The following CERS5 variants were observed in gnomAD, a reference collection of about 807,000 sequenced individuals.
CERS5 encodes the protein ceramide synthase 5.
Under a neutral mutation model 58.9 loss-of-function variants are expected in CERS5, and 37 were observed. The observed-to-expected ratio is 0.63, with a 90% CI of 0.48 to 0.83. CERS5 has a LOEUF of 0.83. CERS5 is among the 40% of genes least tolerant of loss of function. CERS5 has a pLI of 0.00. For synonymous variants in CERS5, 147 were observed against 177.8 expected (o/e 0.83, Z 1.38); for missense variants, 398 against 489.3 (o/e 0.81, Z 1.76).
intron 8 of CERS5, among the ~76,000 whole-genome samples, chr12:50,135,194 AAG>A (rs149757474): frequency 0.16 from 4,069 of 25,460 alleles, 1,188 homozygotes; most frequent in South Asian, 0.29. Flanking sequence ...GAGAGGGAGG[AAG>A]AGAGAGAGAG....
At chr12:50,162,184 C>CTTTTTTT (rs75460499) in intron 1 of CERS5, among the ~76,000 whole-genome samples, 1 of 129,368 alleles carries the variant, frequency 7.7e-6, no homozygotes, top group African/African-American at 2.9e-5. Context: ...CTGATTTGTT[C>CTTTTTTT]TTTTTTTTTT....
At chr12:50,164,385 C>T (rs911334176) in intron 1 of CERS5, among the ~76,000 whole-genome samples, 2 of 151,672 alleles carry the variant, frequency 1.3e-5, no homozygotes, top group Non-Finnish European at 1.5e-5. Flanking sequence ...GAGTGAGCTT[C>T]GTGCCACTGC....
chr12:50,158,641 C>G (rs989477438), intron 1 of CERS5, among the ~76,000 whole-genome samples: 19 of 152,054 alleles, frequency 1.2e-4, no homozygotes, highest in African/African-American at 4.6e-4. Context: ...TGGTGTTTAT[C>G]AAGTGTAGGA....
chr12:50,133,882 G>A (rs564223999), intron 9 of CERS5: 180 of 396,508 alleles, frequency 4.5e-4, no homozygotes, highest in South Asian at 3.0e-3. Flanking sequence ...GACCAGCCTG[G>A]CCAACATAGT....
At chr12:50,134,294 C>CCTT (rs10649792) in intron 9 of CERS5, 546,041 of 832,846 alleles carry the variant, frequency 0.66, 184,387 homozygotes, top group East Asian at 0.93. Context: ...TGGGAGAATC[C>CCTT]AAGCCCAGGT....
intron 4 of CERS5, among the ~76,000 whole-genome samples, chr12:50,139,381 G>T (rs1951846428): frequency 6.6e-6 from 1 of 152,118 alleles, no homozygotes; most frequent in African/African-American, 2.4e-5. Context: ...TTCCTGGGAG[G>T]CTGAGGTGGT....
At chr12:50,138,763 A>G (rs1184748916) in intron 4 of CERS5, 146 bp from the exon 5 acceptor site, 2 of 716,454 alleles carry the variant, frequency 2.8e-6, no homozygotes, top group Admixed American at 2.1e-5. Context: ...TAAAGGATCA[A>G]TAAATAGCTA....
intron 1 of CERS5, among the ~76,000 whole-genome samples, chr12:50,156,482 AGCT>A (rs200396057): frequency 0.022 from 3,197 of 142,944 alleles, 136 homozygotes; most frequent in African/African-American, 0.08. Context: ...CTCTGGTCCC[AGCT>A]ACTGGGAGGC....
At chr12:50,161,872 T>C (rs1283319227) in intron 1 of CERS5, among the ~76,000 whole-genome samples, 20 of 128,156 alleles carry the variant, frequency 1.6e-4, no homozygotes, top group Admixed American at 5.5e-4. Context: ...TCTTCTTCTT[T>C]TTTTTTTTTT....
At chr12:50,133,186 T>C in intron 9 of CERS5, 1 of 1,195,448 alleles carries the variant, frequency 8.4e-7, no homozygotes, top group South Asian at 1.5e-5. Context: ...CAGGAGATCA[T>C]CAATATCTAG....
chr12:50,136,159 C>T (rs1951687885), intron 6 of CERS5, 90 bp from the exon 7 acceptor site: 1 of 1,166,970 alleles, frequency 8.6e-7, no homozygotes, highest in East Asian at 2.7e-5. Context: ...CTCTAAGAAT[C>T]TTACCCCACC....
chr12:50,155,012 C>A (rs1043842363), intron 1 of CERS5, among the ~76,000 whole-genome samples: 3 of 152,096 alleles, frequency 2.0e-5, no homozygotes, highest in Non-Finnish European at 4.4e-5. Context: ...CGTGCACCAC[C>A]ATGCCTGGTT....
chr12:50,159,050 G>T (rs757481822), intron 1 of CERS5, among the ~76,000 whole-genome samples: 2 of 152,064 alleles, frequency 1.3e-5, no homozygotes, highest in Non-Finnish European at 2.9e-5. Context: ...GGCCGGGCGC[G>T]GTGGCTCACA....
intron 8 of CERS5, 38 bp downstream of exon 8, chr12:50,135,694 G>A (rs754805483): frequency 1.4e-6 from 2 of 1,386,994 alleles, no homozygotes; most frequent in Non-Finnish European, 2.1e-6. Flanking sequence ...GTATCATTAG[G>A]CTCATACCTA....
intron 9 of CERS5, 61 bp downstream of exon 9, chr12:50,134,485 C>G (rs780372428): frequency 3.7e-6 from 6 of 1,613,022 alleles, no homozygotes; most frequent in Admixed American, 1.7e-5. Flanking sequence ...GGAGAGAGAA[C>G]GTCTGTTGAG....
intron 1 of CERS5, among the ~76,000 whole-genome samples, chr12:50,159,476 A>G (rs752377352): frequency 1.3e-5 from 2 of 152,210 alleles, no homozygotes; most frequent in African/African-American, 2.4e-5. Context: ...TTGATCCTAA[A>G]AAGTGTATCA....
chr12:50,132,642 T>TTGATTATGGC (rs1565763073), intron 9 of CERS5, among the ~76,000 whole-genome samples: 1 of 152,132 alleles, frequency 6.6e-6, no homozygotes, highest in African/African-American at 2.4e-5. Context: ...TCTTCTACAG[T>TTGATTATGGC]TGATTATAGC....
At chr12:50,135,359 G>T in intron 8 of CERS5, 3 of 406,212 alleles carry the variant, frequency 7.4e-6, no homozygotes, top group South Asian at 3.8e-5. Flanking sequence ...GTCAGGGTTG[G>T]GACCAGAGCA....
In CERS5 at chr12:50,135,515, G is replaced by C. The variant is rs376095600; in HGVS notation, c.872+217C>G. The C allele has an allele frequency of 1.4e-4, 95 of 697,062 alleles. No individual in the cohort carries two copies. The East Asian group carries it at 1.9e-3, about 14-fold the overall frequency. 43.2% of individuals were successfully genotyped at this position (697,062 alleles called of 1,614,324 possible). On this transcript the variant is annotated intron_variant, in intron 8 of 9. Transcript: ENST00000317551. ...AGCCGGGTACTCTGAGTCTGGATCCGACCTTGCTAGAAATACGGTCTGAGG... is the reference window on the plus strand; with the variant it reads ...AGCCGGGTACTCTGAGTCTGGATCCCACCTTGCTAGAAATACGGTCTGAGG...
Sources: allele counts gnomAD v4.1 joint callset (sites outside exome capture counted in the v4.1 genomes callset), GRCh38; gene constraint gnomAD v4.1.1; transcripts MANE v1.5; gene names NCBI Gene and HGNC (gene_info 2026-07-23, HGNC 2026-07-21).